Variants in CALHM3 observed in about 807,000 individuals in gnomAD.
CALHM3 encodes the protein calcium homeostasis modulator protein 3.
CALHM3 carries 9 observed loss-of-function variants against 13.6 expected under a neutral mutation model. That is an observed-to-expected ratio of 0.66 (90% CI 0.40 to 1.15). CALHM3 has a LOEUF of 1.15. Among genes scored for constraint, CALHM3 ranks in the 50% most tolerant of loss-of-function variants. CALHM3 has a pLI of 0.01. For synonymous variants in CALHM3, 231 were observed against 213.2 expected, an observed-to-expected ratio of 1.08 and a Z score of -0.73; for missense variants, 497 against 463.4, an observed-to-expected ratio of 1.07 and a Z score of -0.67.
At chr10:103,477,162 G>T (rs971893348) in intron 1 of CALHM3, among the ~76,000 whole-genome samples, 2 of 152,168 alleles carry the variant, frequency 1.3e-5, no homozygotes, top group African/African-American at 4.8e-5. Flanking sequence ...GCCCTGCCCA[G>T]TAACCCTCCA....
chr10:103,478,559 T>C (rs1276792506), intron 1 of CALHM3, among the ~76,000 whole-genome samples, 187 bp downstream of exon 1: 2 of 152,160 alleles, frequency 1.3e-5, no homozygotes, highest in Non-Finnish European at 1.5e-5. Context: ...GGCAAGTGGC[T>C]CTCTGTGAGC....
intron 1 of CALHM3, among the ~76,000 whole-genome samples, chr10:103,477,287 G>T (rs991243658): frequency 6.6e-6 from 1 of 152,134 alleles, no homozygotes; most frequent in Non-Finnish European, 1.5e-5. Context: ...CCTCGACTGG[G>T]TATTGGCCAC....
Position 103,472,999 on chromosome 10 carries a change from AC to A in CALHM3, c.*213del. 1 of 435,916 alleles carries A rather than the reference AC, an allele frequency of 2.3e-6. No individual in the cohort carries two copies. The highest frequency in any genetic ancestry group is 4.4e-5 in the Admixed American group (1 of 22,960). The allele number at this position is 435,916 out of a possible 1,614,324, so 27.0% of individuals were successfully genotyped here. On this transcript the variant is annotated 3_prime_UTR_variant, in exon 3 of 3. Transcript: ENST00000369783. ...GCTACACTGTCTGAACCTGTATTTA[AC>A]AAGGCCCTCGGTGAACCGAGTCCAC...
Position 103,473,130 on chromosome 10 carries a change from C to T in CALHM3, c.*83G>A. On this transcript the variant is annotated 3_prime_UTR_variant, in exon 3 of 3. Transcript: ENST00000369783. ...AGACTTAGGGTGCCTGCCGTGGGGT[C>T]CCCACGGCCTGGAAAGACTCCAGAA... 1 of 1,257,844 alleles carries T rather than the reference C, an allele frequency of 8.0e-7. No homozygotes were observed. The highest frequency in any genetic ancestry group is 1.0e-6 in the Non-Finnish European group (1 of 993,502). 77.9% of individuals were successfully genotyped at this position (1,257,844 alleles called of 1,614,324 possible). A position where few individuals can be genotyped will look rare whatever the true frequency, so the allele number is the denominator to read the frequency against.
chr10:103,473,640 G>T lies in CALHM3; in HGVS notation c.608C>A (p.Pro203His). 1 of 1,551,186 alleles carries T rather than the reference G, an allele frequency of 6.4e-7. No homozygotes were observed. The highest frequency in any genetic ancestry group is 8.7e-7 in the Non-Finnish European group (1 of 1,147,014). ...IAAFLARCLR[P>H]CFDQTVFLQR... ...CAGGAAGACTGTCTGGTCGAAGCAGGGCCTCAGGCAGCGGGCCAGGAAGGC... is the reference window on the plus strand; with the variant it reads ...CAGGAAGACTGTCTGGTCGAAGCAGTGCCTCAGGCAGCGGGCCAGGAAGGC... Residue 203 changes from proline (P) to histidine (H), a missense_variant, in exon 3 of 3, where the codon CCC becomes CAC. Pro to His is a moderately conservative substitution (Grantham distance 77). Transcript: ENST00000369783.
rs1183250247 is a variant in CALHM3 at position 103,476,316 on chromosome 10, C to T, written c.521G>A (p.Arg174His). 3.9e-6 allele frequency: 6 copies of T among 1,551,368 alleles called. No individual in the cohort carries two copies. The highest frequency in any genetic ancestry group is 1.4e-5 in the African/African-American group (1 of 73,046). ...RDSPARKAVS[R>H]YLRCLSQAIG... ...TACCTGTGACAGGCACCGCAGGTAGCGAGACACTGCCTTCCGAGCAGGGCT... is the reference window on the plus strand; with the variant it reads ...TACCTGTGACAGGCACCGCAGGTAGTGAGACACTGCCTTCCGAGCAGGGCT... The change falls in exon 2 of 3, where the codon CGC becomes CAC. Residue 174 changes from arginine to histidine, a missense_variant. Physicochemically the swap from Arg to His is conservative, Grantham distance 29. Transcript: ENST00000369783.
At chr10:103,476,683 T>C (rs956090509) in intron 1 of CALHM3, 134 bp from the exon 2 acceptor site, 11 of 1,124,600 alleles carry the variant, frequency 9.8e-6, no homozygotes, top group Non-Finnish European at 1.3e-5. Flanking sequence ...GAGGTCCCAG[T>C]GACAGAGACA....
In CALHM3 at chr10:103,479,043, T is replaced by C; in HGVS notation, c.-11A>G. 6.5e-7 allele frequency: 1 copy of C among 1,539,616 alleles called. No homozygotes were observed. Among genetic ancestry groups the C allele is most frequent in the South Asian group, 1.2e-5 (1 of 81,948 alleles). ...GCGGAATTTATCCATGGCTCCAGCC[T>C]GGGTGGGTGGGCGGCCGTCGGTTCG... is the stretch of plus-strand genomic sequence containing the variant. On this transcript the variant is annotated 5_prime_UTR_variant, in exon 1 of 3. Coordinates refer to ENST00000369783, the MANE Select transcript of CALHM3 (RefSeq NM_001129742.2).
In CALHM3 at chr10:103,473,018, G is replaced by A. The variant is rs59349259; in HGVS notation, c.*195C>T. On this transcript the variant is annotated 3_prime_UTR_variant, in exon 3 of 3. Transcript: ENST00000369783. ...TATTTAACAAGGCCCTCGGTGAACC[G>A]AGTCCACATTAAAGTTTGTGAAGCG... 2.1e-6 allele frequency: 1 copy of A among 471,872 alleles called. No individual in the cohort carries two copies. The highest frequency in any genetic ancestry group is 3.4e-6 in the Non-Finnish European group (1 of 292,906). 29.2% of individuals were successfully genotyped at this position (471,872 alleles called of 1,614,324 possible).
At chr10:103,477,491 G>A (rs1409393018) in intron 1 of CALHM3, among the ~76,000 whole-genome samples, 1 of 152,228 alleles carries the variant, frequency 6.6e-6, no homozygotes, top group Non-Finnish European at 1.5e-5. Flanking sequence ...ACATCCAATG[G>A]TGTGTGCCAG....
At chr10:103,478,626 G>T in intron 1 of CALHM3, 120 bp downstream of exon 1, 1 of 1,076,268 alleles carries the variant, frequency 9.3e-7, no homozygotes, top group Admixed American at 2.9e-5. Flanking sequence ...TGTAGGGTGG[G>T]TGGAGAATCC....
At chr10:103,474,054 A>G (rs1387195427) in intron 2 of CALHM3, among the ~76,000 whole-genome samples, 3 of 152,210 alleles carry the variant, frequency 2.0e-5, no homozygotes, top group Non-Finnish European at 4.4e-5. Flanking sequence ...TACTTGAGGA[A>G]TTGTCCTGTA....
In CALHM3 at chr10:103,473,347, G is replaced by A. The variant is rs2033345342; in HGVS notation, c.901C>T (p.Leu301Phe). 5 of 1,505,898 alleles carry A rather than the reference G, an allele frequency of 3.3e-6. No individual in the cohort carries two copies. Among genetic ancestry groups the A allele is most frequent in the African/African-American group, 1.4e-5 (1 of 71,778 alleles). 93.3% of individuals were successfully genotyped at this position (1,505,898 alleles called of 1,614,324 possible). The change falls in exon 3 of 3, where the codon CTC (leucine) becomes TTC (phenylalanine). Residue 301 changes from leucine to phenylalanine, a missense_variant. Physicochemically the swap from Leu to Phe is conservative, Grantham distance 22. Transcript: ENST00000369783. ...TTGCTGGAGTACCACGTGCTTAGGAGGCGGTCCACCTGCTCCCGGCTGGAG... is the reference window on the plus strand; with the variant it reads ...TTGCTGGAGTACCACGTGCTTAGGAAGCGGTCCACCTGCTCCCGGCTGGAG... ...AISSREQVDRLLSTWYSSKPP... is the reference protein window; with the variant it reads ...AISSREQVDRFLSTWYSSKPP...
chr10:103,479,085 G>GCCA lies in CALHM3; in HGVS notation c.-56_-54dup, dbSNP rs1256171042. On this transcript the variant is annotated 5_prime_UTR_variant, in exon 1 of 3. Coordinates refer to ENST00000369783, the MANE Select transcript of CALHM3 (RefSeq NM_001129742.2). ...GTCGGTTCGGCTCAGTGAGGCTCTG[G>GCCA]CCACCTTCCTGGTGTCTGCTGTGCT... The GCCA allele has an allele frequency of 1.3e-6, 2 of 1,501,696 alleles. No individual in the cohort carries two copies. The highest frequency in any genetic ancestry group is 2.0e-5 in the Admixed American group (1 of 48,996). The allele number at this position is 1,501,696 out of a possible 1,614,324, so 93.0% of individuals were successfully genotyped here.
intron 1 of CALHM3, among the ~76,000 whole-genome samples, chr10:103,477,216 G>C (rs1206201449): frequency 6.6e-6 from 1 of 152,166 alleles, no homozygotes; most frequent in Non-Finnish European, 1.5e-5. Flanking sequence ...CATCCCAGGA[G>C]CCCACCCTCT....
intron 2 of CALHM3, among the ~76,000 whole-genome samples, chr10:103,475,068 C>T (rs557422231): frequency 6.6e-6 from 1 of 152,284 alleles, no homozygotes; most frequent in African/African-American, 2.4e-5. Flanking sequence ...GGAATGAGGA[C>T]AAACTGAAGT....
At position 103,473,637 on chromosome 10, in the gene CALHM3, C is replaced by G. The variant is rs1018029277; in HGVS notation, c.611G>C (p.Cys204Ser). Residue 204 changes from cysteine (C) to serine (S), a missense_variant, in exon 3 of 3, where the codon TGC becomes TCC. Coordinates refer to ENST00000369783, the MANE Select transcript of CALHM3 (RefSeq NM_001129742.2). ...CTGCAGGAAGACTGTCTGGTCGAAG[C>G]AGGGCCTCAGGCAGCGGGCCAGGAA... is the stretch of plus-strand genomic sequence containing the variant. ...AAFLARCLRP[C>S]FDQTVFLQRR... 37 of 1,551,080 alleles carry G rather than the reference C, an allele frequency of 2.4e-5. No individual in the cohort carries two copies. The highest frequency in any genetic ancestry group is 3.0e-5 in the Non-Finnish European group (34 of 1,147,014).
At chr10:103,474,283 C>T (rs1365668934) in intron 2 of CALHM3, among the ~76,000 whole-genome samples, 2 of 152,082 alleles carry the variant, frequency 1.3e-5, no homozygotes, top group African/African-American at 4.8e-5. Context: ...ACTGTAAATT[C>T]GTCATCTTCC....
intron 2 of CALHM3, among the ~76,000 whole-genome samples, chr10:103,475,306 C>A (rs1401935777): frequency 6.6e-6 from 1 of 152,210 alleles, no homozygotes; most frequent in African/African-American, 2.4e-5. Flanking sequence ...CAGGACTCCC[C>A]CAACATCACC....
Sources: allele counts gnomAD v4.1 joint callset (sites outside exome capture counted in the v4.1 genomes callset), GRCh38; gene constraint gnomAD v4.1.1; transcripts MANE v1.5; gene names NCBI Gene and HGNC (gene_info 2026-07-23, HGNC 2026-07-21).